The following ASB14 variants were observed in gnomAD, a reference collection of about 807,000 sequenced individuals.
The protein encoded by ASB14 is ankyrin repeat and SOCS box protein 14.
In ASB14, 63 loss-of-function variants were observed where a neutral mutation model predicts 55.6. That is an observed-to-expected ratio of 1.13 (90% confidence interval 0.92 to 1.40). The LOEUF (loss-of-function observed/expected upper bound fraction) is 1.40, where lower values mean the gene tolerates loss of function less well. Among genes scored for constraint, ASB14 ranks in the 40% most tolerant of loss-of-function variants. The probability of loss-of-function intolerance (pLI) is 0.00; values close to 1 mark genes in which losing one functional copy is unlikely to be tolerated. For synonymous variants in ASB14, 256 were observed against 259.9 expected, an observed-to-expected ratio of 0.98 and a Z score of 0.15; for missense variants, 724 against 710.4, an observed-to-expected ratio of 1.02 and a Z score of -0.22.
At chr3:57,285,349 G>A (rs2061073081) in intron 5 of ASB14, among the ~76,000 whole-genome samples, 1 of 151,996 alleles carries the variant, frequency 6.6e-6, no homozygotes. Flanking sequence ...TTCTCCAGAG[G>A]GATCCTTTAG....
chr3:57,287,008 T>C (rs918506807), intron 5 of ASB14, among the ~76,000 whole-genome samples: 6 of 152,256 alleles, frequency 3.9e-5, no homozygotes, highest in African/African-American at 1.2e-4. Context: ...AAGAATATTT[T>C]GTTTTCTAAT....
rs1198402747 is a variant in ASB14, at chr3:57,278,390, A to G, written c.1418T>C (p.Ile473Thr). ...YTVEGWTSTV[I>T]KDTKFCEVIT... ...CTGTGGACTTACCTTAGTATCTTTG[A>G]TAACTGTAGATGTCCAGCCTTCAAC... The change falls in exon 8 of 11, where the codon ATC (isoleucine) becomes ACC (threonine). Residue 473 changes from isoleucine (I) to threonine (T), a missense_variant. Coordinates refer to ENST00000487349, the MANE Select transcript of ASB14 (RefSeq NM_001142733.3). 1.9e-6 allele frequency: 3 copies of G among 1,613,438 alleles called. No homozygotes were observed. Among genetic ancestry groups the G allele is most frequent in the Non-Finnish European group, 2.5e-6 (3 of 1,179,382 alleles).
At position 57,269,607 on chromosome 3, in the gene ASB14, C is replaced by A; in HGVS notation, c.*34G>T. 1 of 1,613,962 alleles carries A rather than the reference C, an allele frequency of 6.2e-7. No individual in the cohort carries two copies. The highest frequency in any genetic ancestry group is 8.5e-7 in the Non-Finnish European group (1 of 1,179,972). On this transcript the variant is annotated 3_prime_UTR_variant, in exon 11 of 11. Transcript: ENST00000487349. ...ACCAAACCAAGCCAGTAGTGAGGGG[C>A]AGTTTGTTGTCCTTAGCAGTAGCCA...
intron 10 of ASB14, chr3:57,271,452 G>A (rs1447873450): frequency 6.6e-6 from 1 of 152,454 alleles, no homozygotes; most frequent in Non-Finnish European, 1.5e-5. Context: ...CTTTTGTTTT[G>A]TTAAAGTTGG....
In ASB14 at chr3:57,287,911, A is replaced by G; in HGVS notation, c.459T>C (p.Pro153=). 6.5e-7 allele frequency: 1 copy of G among 1,537,144 alleles called. No individual in the cohort carries two copies. The highest frequency in any genetic ancestry group is 8.7e-7 in the Non-Finnish European group (1 of 1,146,826). Residue 153 remains proline (P), a synonymous_variant, in exon 5 of 11, where the codon CCT becomes CCC. Coordinates refer to ENST00000487349, the MANE Select transcript of ASB14 (RefSeq NM_001142733.3). The part of the protein sequence containing the change: ...PNAKNFEGNS[P]LLAAVLRDCY... ...AATGTATTCATTTACCTGCAAGAAG[A>G]GGAGAATTGCCTTCGAAATTCTTAG... is the stretch of plus-strand genomic sequence containing the variant.
intron 6 of ASB14, among the ~76,000 whole-genome samples, chr3:57,281,849 A>G (rs972953419): frequency 6.6e-6 from 1 of 152,136 alleles, no homozygotes; most frequent in Non-Finnish European, 1.5e-5. Context: ...CAGGGTGATA[A>G]TGTGATTTGG....
At chr3:57,269,736 G>A in intron 10 of ASB14, 118 bp from the exon 11 acceptor site, 1 of 1,586,936 alleles carries the variant, frequency 6.3e-7, no homozygotes, top group Non-Finnish European at 8.6e-7. Context: ...CAGTTTCTAT[G>A]GTGAAATGGC....
chr3:57,283,421 TAGC>T lies in ASB14; in HGVS notation c.485_487del (p.Cys162del). ...GTTGATCAGCAAGGCAGCCATGTCA[TAGC>T]AGTCACGCAGCACAGCTGGGAAATG... On this transcript the variant is annotated inframe_deletion, in exon 6 of 11. Transcript: ENST00000487349. 6.4e-7 allele frequency: 1 copy of T among 1,551,582 alleles called. No individual in the cohort carries two copies. The highest frequency in any genetic ancestry group is 8.7e-7 in the Non-Finnish European group (1 of 1,146,932).
chr3:57,283,244 A>G lies in ASB14; in HGVS notation c.665T>C (p.Leu222Pro), dbSNP rs763974039. The G allele has an allele frequency of 9.0e-6, 14 of 1,552,018 alleles. No individual in the cohort carries two copies. The highest frequency in any genetic ancestry group is 1.1e-5 in the Non-Finnish European group (13 of 1,147,058). ...TTCAGTGTGTCCACTTTGGGCAGCAAGAGCAAGAGGAGTGAATCCATACGT... is the reference window on the plus strand; with the variant it reads ...TTCAGTGTGTCCACTTTGGGCAGCAGGAGCAAGAGGAGTGAATCCATACGT... ...QSTYGFTPLA[L>P]AAQSGHTEIM... Residue 222 changes from leucine to proline, a missense_variant, in exon 6 of 11, where the codon CTT (leucine) becomes CCT (proline). By Grantham distance (98) the Leu-to-Pro change is moderately conservative (BLOSUM62 -3). Coordinates refer to ENST00000487349, the MANE Select transcript of ASB14 (RefSeq NM_001142733.3).
At chr3:57,276,837 G>GAAAT (rs2060992894) in intron 9 of ASB14, 109 bp from the exon 10 acceptor site, 4 of 1,013,126 alleles carry the variant, frequency 3.9e-6, no homozygotes, top group Non-Finnish European at 5.7e-6. Flanking sequence ...GTTACTAAAT[G>GAAAT]GCAAAGTCAA....
At chr3:57,269,653 G>T (rs745625690) in intron 10 of ASB14, 35 bp from the exon 11 acceptor site, 1 of 1,613,968 alleles carries the variant, frequency 6.2e-7, no homozygotes, top group Non-Finnish European at 8.5e-7. Context: ...AGTGATTTGG[G>T]AGAAGGAGGA....
At position 57,276,703 on chromosome 3, in the gene ASB14, C is replaced by A. The variant is rs751276157; in HGVS notation, c.1611G>T (p.Leu537Phe). 8.1e-6 allele frequency: 13 copies of A among 1,613,292 alleles called. No individual in the cohort carries two copies. The highest frequency in any genetic ancestry group is 9.3e-6 in the Non-Finnish European group (11 of 1,179,742). ...ILTNPRSLKH[L>F]CRLKIRKCMG... ...TGCATTTCCGGATCTTTAGGCGGCA[C>A]AAATGTTTTAGGGAGCGAGGGTTTG... The change falls in exon 10 of 11, where the codon TTG becomes TTT. Residue 537 changes from leucine (L) to phenylalanine (F), a missense_variant. Coordinates refer to ENST00000487349, the MANE Select transcript of ASB14 (RefSeq NM_001142733.3).
chr3:57,277,424 A>G (rs921028436), intron 9 of ASB14, among the ~76,000 whole-genome samples: 3 of 152,212 alleles, frequency 2.0e-5, no homozygotes, highest in Non-Finnish European at 2.9e-5. Flanking sequence ...GATACCCTCT[A>G]CAGACATGGC....
intron 7 of ASB14, among the ~76,000 whole-genome samples, chr3:57,279,970 A>G (rs1481250491): frequency 6.6e-6 from 1 of 152,008 alleles, no homozygotes; most frequent in Admixed American, 6.6e-5. Flanking sequence ...AGCCTTTGTC[A>G]TTAAACCTGT....
At chr3:57,289,687 CTTTTTTTTTTTT>C (rs34419265) in intron 2 of ASB14, among the ~76,000 whole-genome samples, 3 of 100,338 alleles carry the variant, frequency 3.0e-5, no homozygotes, top group African/African-American at 6.3e-5. Context: ...ACCTTCCATT[CTTTTTTTTTTTT>C]TTTTTTTTTT....
intron 10 of ASB14, chr3:57,271,175 A>G (rs1484564361): frequency 2.6e-5 from 4 of 152,166 alleles, no homozygotes; most frequent in Admixed American, 2.0e-4. Flanking sequence ...TTAGTTCTGC[A>G]TTAGAAATGG....
In ASB14 at chr3:57,278,605, C is replaced by G. The variant is rs1035155058; in HGVS notation, c.1203G>C (p.Leu401=). ...QIALRMGNYE[L]ISLLLRHGAN... is the part of the protein sequence containing the mutation. ...CCCCATGCCTTAGCAGCAGACTGATCAGCTCATAGTTGCCCATCCTGAGGG... is the reference window on the plus strand; with the variant it reads ...CCCCATGCCTTAGCAGCAGACTGATGAGCTCATAGTTGCCCATCCTGAGGG... Residue 401 remains leucine (L), a synonymous_variant, in exon 8 of 11, where the codon CTG becomes CTC. Transcript: ENST00000487349. 4 of 1,614,090 alleles carry G rather than the reference C, an allele frequency of 2.5e-6. No homozygotes were observed. In the East Asian group the frequency reaches 8.9e-5, roughly 36 times the overall value.
At chr3:57,284,180 G>T (rs1293612991) in intron 5 of ASB14, among the ~76,000 whole-genome samples, 1 of 148,946 alleles carries the variant, frequency 6.7e-6, no homozygotes, top group Non-Finnish European at 1.5e-5. Flanking sequence ...AGGCTGAAGT[G>T]CAGTGGTACG....
At chr3:57,280,208 A>G (rs1448966757) in intron 7 of ASB14, 94 bp downstream of exon 7, 13 of 617,740 alleles carry the variant, frequency 2.1e-5, no homozygotes, top group Non-Finnish European at 2.7e-5. Context: ...TTGTGGGATC[A>G]GTGATTAAAG....
Sources: allele counts gnomAD v4.1 joint callset (sites outside exome capture counted in the v4.1 genomes callset), GRCh38; gene constraint gnomAD v4.1.1; transcripts MANE v1.5; gene names NCBI Gene and HGNC (gene_info 2026-07-23, HGNC 2026-07-21).